The following SLC38A6 variants were observed in gnomAD, a reference collection of about 807,000 sequenced individuals.
SLC38A6 encodes the protein solute carrier family 38 member 6.
A neutral mutation model predicts 65.0 loss-of-function variants in SLC38A6; 73 were observed. That is an observed-to-expected ratio of 1.12 (90% CI 0.93 to 1.37). The LOEUF (loss-of-function observed/expected upper bound fraction) is 1.37. Ranked by LOEUF, SLC38A6 falls within the 40% of genes most tolerant of loss-of-function variation. SLC38A6 has a pLI of 0.00. For synonymous variants in SLC38A6, 183 were observed against 178.8 expected (o/e 1.02, Z -0.19); for missense variants, 561 against 531.1 (o/e 1.06, Z -0.55).
At chr14:61,075,241 A>C (rs1359489093) in intron 15 of SLC38A6, among the ~76,000 whole-genome samples, 1 of 152,210 alleles carries the variant, frequency 6.6e-6, no homozygotes, top group Non-Finnish European at 1.5e-5. Flanking sequence ...TCCTGAAACT[A>C]ATAAAGTCAG....
rs78798679 is a variant in SLC38A6, at chr14:61,070,216, T to C, written c.1291-8594T>C. ...ATTGAACAGCAACTCCCTATTTCCC[T>C]GTTCCTGCAGTCCCTGGCAACTGCC... On this transcript the variant is annotated intron_variant, in intron 15 of 16. Transcript: ENST00000354886. Among the ~76,000 whole-genome samples the C allele has an allele frequency of 7.7e-3, 1,172 of 152,350 alleles. 17 individuals are homozygous for C. Among genetic ancestry groups the C allele is most frequent in the African/African-American group, 0.027 (1,103 of 41,580 alleles).
intron 16 of SLC38A6, among the ~76,000 whole-genome samples, chr14:61,082,791 C>G (rs1280837642): frequency 6.6e-6 from 1 of 152,170 alleles, no homozygotes; most frequent in Non-Finnish European, 1.5e-5. Flanking sequence ...GCAGCTGCCT[C>G]TGCCTGCACT....
intron 3 of SLC38A6, chr14:61,002,349 T>C (rs1301297425): frequency 1.3e-5 from 2 of 151,214 alleles, no homozygotes; most frequent in African/African-American, 2.4e-5. Context: ...AAAAAAAAGA[T>C]CAGAGGAAAA....
chr14:61,082,020 G>A (rs182771160), intron 16 of SLC38A6, among the ~76,000 whole-genome samples: 3 of 152,110 alleles, frequency 2.0e-5, no homozygotes, highest in African/African-American at 4.8e-5. Flanking sequence ...GTAGTGCCTC[G>A]TGTTTATGTG....
intron 1 of SLC38A6, among the ~76,000 whole-genome samples, chr14:60,982,006 G>A (rs986741751): frequency 1.3e-5 from 2 of 152,126 alleles, no homozygotes; most frequent in African/African-American, 4.8e-5. Flanking sequence ...AATTGCTTCT[G>A]TTTATAATAT....
intron 3 of SLC38A6, among the ~76,000 whole-genome samples, chr14:60,989,079 A>G (rs1422771582): frequency 2.6e-5 from 4 of 152,176 alleles, no homozygotes; most frequent in South Asian, 2.1e-4. Context: ...GATTTCACCC[A>G]TAACTGATAT....
chr14:61,023,588 A>AC (rs904030694), intron 5 of SLC38A6, among the ~76,000 whole-genome samples: 1 of 23,354 alleles, frequency 4.3e-5, no homozygotes, highest in African/African-American at 6.5e-5. Context: ...TAATAATAAT[A>AC]ATATATATAT....
intron 15 of SLC38A6, among the ~76,000 whole-genome samples, chr14:61,076,924 A>G (rs2043440132): frequency 6.6e-6 from 1 of 152,204 alleles, no homozygotes; most frequent in African/African-American, 2.4e-5. Context: ...AATGTCAGAA[A>G]TCCATTTCTG....
At chr14:61,072,511 C>A (rs532315855) in intron 15 of SLC38A6, among the ~76,000 whole-genome samples, 3 of 152,304 alleles carry the variant, frequency 2.0e-5, no homozygotes, top group Admixed American at 6.5e-5. Flanking sequence ...ACCATTTTCA[C>A]CCTGCCCCTA....
Position 61,015,905 on chromosome 14 carries a change from T to G in SLC38A6, c.312T>G (p.Ala104=). The stretch of plus-strand genomic sequence containing the variant: ...GAACATTGTAATTTCTCTTAACAGC[T>G]GTAACATCTTATGAAGATCTTGGAC... The part of the protein sequence containing the change: ...HLLLSMCIQT[A]VTSYEDLGLF... Residue 104 remains alanine (A), a splice_region_variant and synonymous_variant, in exon 4 of 16, where the codon GCT becomes GCG. Transcript: ENST00000267488. 1.2e-6 allele frequency: 2 copies of G among 1,606,330 alleles called. No homozygotes were observed. The highest frequency in any genetic ancestry group is 2.2e-5 in the South Asian group (2 of 89,052).
intron 15 of SLC38A6, among the ~76,000 whole-genome samples, chr14:61,066,950 C>T (rs966949105): frequency 3.3e-5 from 5 of 151,998 alleles, no homozygotes; most frequent in African/African-American, 1.2e-4. Flanking sequence ...AGAAGTTGAG[C>T]TAGTCCCAAG....
intron 15 of SLC38A6, among the ~76,000 whole-genome samples, chr14:61,069,380 C>T (rs922232067): frequency 3.3e-5 from 5 of 152,056 alleles, no homozygotes; most frequent in Admixed American, 2.6e-4. Context: ...GATAATGGCT[C>T]GCTACTACCC....
chr14:61,074,463 G>A (rs895398743), intron 15 of SLC38A6, among the ~76,000 whole-genome samples: 1 of 152,190 alleles, frequency 6.6e-6, no homozygotes, highest in African/African-American at 2.4e-5. Context: ...CTGCCTTCTT[G>A]TGTCCTCACA....
At chr14:61,080,706 G>A (rs948272718) in intron 16 of SLC38A6, among the ~76,000 whole-genome samples, 1 of 152,224 alleles carries the variant, frequency 6.6e-6, no homozygotes. Context: ...CCCAGGCCCA[G>A]TCGGGTGGGT....
At chr14:61,047,962 GATAGATAGATAGATACATACATAC>G (rs1400638188) in intron 12 of SLC38A6, among the ~76,000 whole-genome samples, 53 of 43,310 alleles carry the variant, frequency 1.2e-3, no homozygotes, top group African/African-American at 5.6e-3. Flanking sequence ...AGATTAGATA[GATAGATAGATAGATACATACATAC>G]ATACATACAT....
At chr14:61,040,242 G>A (rs2041709408) in intron 8 of SLC38A6, among the ~76,000 whole-genome samples, 1 of 151,744 alleles carries the variant, frequency 6.6e-6, no homozygotes, top group African/African-American at 2.4e-5. Flanking sequence ...CATGATCATA[G>A]CTCACTGCAG....
At chr14:61,061,277 G>A (rs1014547994) in intron 15 of SLC38A6, among the ~76,000 whole-genome samples, 16 of 152,176 alleles carry the variant, frequency 1.1e-4, no homozygotes, top group African/African-American at 3.4e-4. Flanking sequence ...CTTGCATCCC[G>A]TATAAGTGTA....
chr14:60,987,679 A>G (rs1468874336), intron 3 of SLC38A6: 1 of 152,254 alleles, frequency 6.6e-6, no homozygotes, highest in Non-Finnish European at 1.5e-5. Context: ...ACACACTACT[A>G]TCTCAGAAAT....
chr14:61,045,954 T>C (rs1734576736), intron 11 of SLC38A6, 113 bp from the exon 12 acceptor site: 1 of 612,558 alleles, frequency 1.6e-6, no homozygotes, highest in South Asian at 2.3e-5. Context: ...AGTGTATAGT[T>C]ATTGATGGAG....
Sources: allele counts gnomAD v4.1 joint callset (sites outside exome capture counted in the v4.1 genomes callset), GRCh38; gene constraint gnomAD v4.1.1; transcripts MANE v1.5; gene names NCBI Gene and HGNC (gene_info 2026-07-23, HGNC 2026-07-21).